The following LHX8 variants were observed in gnomAD, a reference collection of about 807,000 sequenced individuals.
LHX8 encodes the protein LIM/homeobox protein Lhx8.
A neutral mutation model predicts 40.3 loss-of-function variants in LHX8; 12 were observed. The ratio of observed to expected loss-of-function variants is 0.30; its 90% CI spans 0.19 to 0.48. The LOEUF is 0.48. Among genes scored for constraint, LHX8 ranks in the 20% least tolerant of loss-of-function variants. The pLI, the probability that LHX8 is intolerant of heterozygous loss-of-function variation, is 0.99. For synonymous variants in LHX8, 179 were observed against 162.0 expected (o/e 1.10, Z -0.80); for missense variants, 344 against 433.7 (o/e 0.79, Z 1.84).
chr1:75,133,652 A>T (rs1557483958), upstream of LHX8, among the ~76,000 whole-genome samples: 2 of 152,316 alleles, frequency 1.3e-5, no homozygotes, highest in South Asian at 2.1e-4. Context: ...AGTCTGTTTA[A>T]ACAAACACAC....
At chr1:75,162,556 C>T (rs779171086), downstream of LHX8, among the ~76,000 whole-genome samples, 2 of 143,254 alleles carry the variant, frequency 1.4e-5, no homozygotes, top group Non-Finnish European at 3.0e-5. Context: ...GCTCATCATC[C>T]TCTGACTCTG....
chr1:75,199,068 C>G, the LHX8 span, among the ~76,000 whole-genome samples: 1 of 152,170 alleles, frequency 6.6e-6, no homozygotes, highest in Non-Finnish European at 1.5e-5. Context: ...TTCATTGTAA[C>G]ACAGTTGGCT....
the LHX8 span, among the ~76,000 whole-genome samples, chr1:75,196,414 G>A: frequency 4.6e-5 from 7 of 152,246 alleles, no homozygotes; most frequent in East Asian, 1.4e-3. Flanking sequence ...ATTCCCTGGA[G>A]CTTGAAAGCA....
intron 6 of LHX8, among the ~76,000 whole-genome samples, 175 bp downstream of exon 6, chr1:75,144,123 C>T (rs563197588): frequency 1.3e-5 from 2 of 152,158 alleles, no homozygotes; most frequent in Non-Finnish European, 2.9e-5. Context: ...AAAGTGTTTG[C>T]ATTTCTAGCA....
chr1:75,179,506 T>TTG, the LHX8 span, among the ~76,000 whole-genome samples: 4 of 146,468 alleles, frequency 2.7e-5, no homozygotes, highest in East Asian at 7.8e-4. Flanking sequence ...CCTGTTGTTT[T>TTG]TTTTTTTTTT....
rs1368771904 is a variant in LHX8 at position 75,161,108 on chromosome 1, ACAAAT to A, written c.*218_*222del. ...TAAAACTTATGTTTACAAGAAGAAA[ACAAAT>A]CAAAACATTTTTTGTATTGTCTGGA... On this transcript the variant is annotated 3_prime_UTR_variant, in exon 9 of 9. Coordinates refer to ENST00000356261, the MANE Select transcript of LHX8 (RefSeq NM_001256114.2). 7 of 546,166 alleles carry A rather than the reference ACAAAT, an allele frequency of 1.3e-5. No homozygotes were observed. Among genetic ancestry groups the A allele is most frequent in the African/African-American group, 3.8e-5 (2 of 52,596 alleles). 33.8% of individuals were successfully genotyped at this position (546,166 alleles called of 1,614,324 possible). A position where few individuals can be genotyped will look rare whatever the true frequency, so the allele number is the denominator to read the frequency against.
chr1:75,170,113 C>A, the LHX8 span, among the ~76,000 whole-genome samples: 1 of 152,204 alleles, frequency 6.6e-6, no homozygotes, highest in African/African-American at 2.4e-5. Context: ...GTCATGCCTG[C>A]TGAATCATTT....
chr1:75,194,227 G>GT, the LHX8 span, among the ~76,000 whole-genome samples: 1 of 148,066 alleles, frequency 6.8e-6, no homozygotes, highest in African/African-American at 2.6e-5. Flanking sequence ...TATTTACTAA[G>GT]TTCCACCTGT....
intron 3 of LHX8, among the ~76,000 whole-genome samples, chr1:75,140,086 T>TG (rs1398075262): frequency 9.2e-5 from 14 of 152,368 alleles, no homozygotes; most frequent in Non-Finnish European, 1.6e-4. Context: ...TTCTATCTAA[T>TG]ACACATCTTC....
the LHX8 span, among the ~76,000 whole-genome samples, chr1:75,176,932 T>A: frequency 1.9e-3 from 296 of 152,336 alleles, 1 homozygote; most frequent in African/African-American, 6.8e-3. Flanking sequence ...AAATAGGGGA[T>A]CCTTCCCCCA....
chr1:75,194,493 G>T, the LHX8 span, among the ~76,000 whole-genome samples: 1 of 152,168 alleles, frequency 6.6e-6, no homozygotes, highest in African/African-American at 2.4e-5. Context: ...GATTTATCTA[G>T]AAATGTGCTT....
At chr1:75,138,861 T>C (rs983994262) in intron 3 of LHX8, among the ~76,000 whole-genome samples, 8 of 152,164 alleles carry the variant, frequency 5.3e-5, no homozygotes, top group African/African-American at 1.9e-4. Context: ...TCCTTTGTAA[T>C]AGGGCAGGAG....
At chr1:75,142,865 ACTT>A (rs1344326473) in intron 4 of LHX8, among the ~76,000 whole-genome samples, 1 of 152,194 alleles carries the variant, frequency 6.6e-6, no homozygotes, top group Non-Finnish European at 1.5e-5. Context: ...TTAAAAGAAA[ACTT>A]CAATCTTCTT....
intron 2 of LHX8, 116 bp downstream of exon 2, chr1:75,136,805 C>G (rs1648153348): frequency 1.3e-6 from 1 of 779,188 alleles, no homozygotes; most frequent in Non-Finnish European, 2.1e-6. Flanking sequence ...CTGCAGCAGA[C>G]AGAGGACGGG....
At chr1:75,161,570 TGA>T (rs1247267601), downstream of LHX8, 1 of 152,406 alleles carries the variant, frequency 6.6e-6, no homozygotes, top group Non-Finnish European at 1.5e-5. Flanking sequence ...AGCAGTAAGT[TGA>T]CTTTAGTCTC....
In LHX8 at chr1:75,136,674, C is replaced by A; in HGVS notation, c.60C>A (p.Ala20=). ...CGGCCGGGAGGACTCGCAAAGGCGCCGGGGAAGAGGGACTGGTGAGTGCGG... is the reference window on the plus strand; with the variant it reads ...CGGCCGGGAGGACTCGCAAAGGCGCAGGGGAAGAGGGACTGGTGAGTGCGG... The part of the protein sequence containing the change: ...ALAAGRTRKG[A]GEEGLVSPEG... Residue 20 remains alanine (A), a synonymous_variant, in exon 2 of 9, where the codon GCC becomes GCA. Transcript: ENST00000356261. 6.5e-7 allele frequency: 1 copy of A among 1,546,658 alleles called. No homozygotes were observed. The highest frequency in any genetic ancestry group is 8.7e-7 in the Non-Finnish European group (1 of 1,146,570).
chr1:75,168,562 T>A, the LHX8 span, among the ~76,000 whole-genome samples: 1 of 152,182 alleles, frequency 6.6e-6, no homozygotes, highest in African/African-American at 2.4e-5. Flanking sequence ...GATAATCTGC[T>A]GTCAACCCCT....
the LHX8 span, among the ~76,000 whole-genome samples, chr1:75,184,405 A>G: frequency 8.5e-5 from 13 of 152,348 alleles, no homozygotes; most frequent in Middle Eastern, 6.8e-3. Context: ...AAAAACTGAA[A>G]TCATACCAAA....
the LHX8 span, among the ~76,000 whole-genome samples, chr1:75,179,599 G>A: frequency 6.7e-6 from 1 of 150,266 alleles, no homozygotes; most frequent in Non-Finnish European, 1.5e-5. Flanking sequence ...CATGAGATGG[G>A]TCTCCTGAAT....
Sources: gnomAD v4.1 joint callset for allele counts (sites outside exome capture counted in the v4.1 genomes callset) on GRCh38, gnomAD v4.1.1 for gene constraint, MANE v1.5 for transcripts, NCBI Gene and HGNC (gene_info 2026-07-23, HGNC 2026-07-21) for gene names.